PCDHA3: variants seen among roughly 807,000 people sequenced by gnomAD.
PCDHA3 encodes protocadherin alpha 3.
A neutral mutation model predicts 62.2 loss-of-function variants in PCDHA3; 41 were observed. That is an observed-to-expected ratio of 0.66 (90% CI 0.51 to 0.86). The LOEUF (loss-of-function observed/expected upper bound fraction) is 0.86, where lower values mean the gene tolerates loss of function less well. Among genes scored for constraint, PCDHA3 ranks in the 40% least tolerant of loss-of-function variants. The pLI, the probability that PCDHA3 is intolerant of heterozygous loss-of-function variation, is 0.00. For synonymous variants in PCDHA3, 640 were observed against 555.4 expected, an observed-to-expected ratio of 1.15 and a Z score of -2.14; for missense variants, 1,304 against 1,241.2, an observed-to-expected ratio of 1.05 and a Z score of -0.76.
chr5:140,876,020 A>G, intron 1 of PCDHA3: 2 of 1,613,802 alleles, frequency 1.2e-6, no homozygotes, highest in South Asian at 1.1e-5. Flanking sequence ...CTTAAAATAA[A>G]AACAAAAAAA....
At chr5:140,903,585 T>C (rs928775971) in intron 1 of PCDHA3, among the ~76,000 whole-genome samples, 2 of 152,224 alleles carry the variant, frequency 1.3e-5, no homozygotes, top group Non-Finnish European at 2.9e-5. Context: ...TAGCTGGTGT[T>C]GGCCTGATAA....
intron 1 of PCDHA3, chr5:140,869,751 C>T (rs1562632987): frequency 1.2e-6 from 2 of 1,613,134 alleles, no homozygotes; most frequent in Non-Finnish European, 1.7e-6. Context: ...CAGCTACAGA[C>T]GGGGGAAAAC....
rs1458420006 is a variant in PCDHA3 at position 140,928,100 on chromosome 5, T to A, written c.2395-50849T>A. On this transcript the variant is annotated intron_variant, in intron 1 of 3. Transcript: ENST00000522353. Reference sequence around the variant, plus strand: ...TACAGCCTGCTGATTGATGGGCCCCTGGACCGGGAGCAGATCAGTGAATAC... The same window carrying A: ...TACAGCCTGCTGATTGATGGGCCCCAGGACCGGGAGCAGATCAGTGAATAC... 2.3e-5 allele frequency: 37 copies of A among 1,614,090 alleles called. No individual in the cohort carries two copies. Among genetic ancestry groups the A allele is most frequent in the Non-Finnish European group, 2.9e-5 (34 of 1,180,048 alleles).
intron 1 of PCDHA3, among the ~76,000 whole-genome samples, chr5:140,969,822 G>C (rs559271640): frequency 2.0e-5 from 3 of 152,202 alleles, no homozygotes; most frequent in Non-Finnish European, 4.4e-5. Context: ...ACTCTGGACT[G>C]TCTACAGTGG....
At chr5:140,876,044 T>G in intron 1 of PCDHA3, 2 of 1,613,884 alleles carry the variant, frequency 1.2e-6, no homozygotes, top group Non-Finnish European at 1.7e-6. Context: ...AAAAGTATAT[T>G]GCCTGAATTA....
intron 1 of PCDHA3, chr5:140,843,873 T>C (rs1554140466): frequency 1.3e-6 from 1 of 797,276 alleles, no homozygotes; most frequent in Admixed American, 3.0e-5. Context: ...ATTTTCTCAG[T>C]GGCATAATAC....
chr5:140,826,455 A>G (rs1768943541), intron 1 of PCDHA3, among the ~76,000 whole-genome samples: 1 of 152,202 alleles, frequency 6.6e-6, no homozygotes, highest in African/African-American at 2.4e-5. Context: ...TTTGTGTCAC[A>G]ATCATCTGTG....
Position 140,835,798 on chromosome 5 carries a change from G to C in PCDHA3, c.2394+32207G>C, listed in dbSNP as rs2150245143. 6.8e-6 allele frequency: 11 copies of C among 1,612,744 alleles called. No individual in the cohort carries two copies. Among genetic ancestry groups the C allele is most frequent in the Middle Eastern group, 1.9e-4 (1 of 5,380 alleles). ...GTGAAGGAGAACAACCCGCCGGGCT[G>C]CCACATCTTCACTGTGTCGGCGGGG... On this transcript the variant is annotated intron_variant, in intron 1 of 3. Coordinates refer to ENST00000522353, the MANE Select transcript of PCDHA3 (RefSeq NM_018906.3).
intron 1 of PCDHA3, chr5:140,823,465 C>T (rs1554129364): frequency 2.5e-6 from 4 of 1,613,368 alleles, no homozygotes. Context: ...CGCGCCGGCG[C>T]TGCTGGTGCC....
chr5:140,910,845 G>T (rs1448971238), intron 1 of PCDHA3, among the ~76,000 whole-genome samples: 1 of 152,090 alleles, frequency 6.6e-6, no homozygotes, highest in Admixed American at 6.5e-5. Flanking sequence ...CAATGCCTTG[G>T]ATCTATGTTC....
At position 140,856,108 on chromosome 5, in the gene PCDHA3, C is replaced by T. The variant is rs782347472; in HGVS notation, c.2394+52517C>T. 109 of 1,597,910 alleles carry T rather than the reference C, an allele frequency of 6.8e-5. 10 individuals are homozygous for T. The highest frequency in any genetic ancestry group is 9.3e-5 in the Non-Finnish European group (109 of 1,167,634). ...GTCTGCTGCTCTCGCTTCTTCTCCT[C>T]GCAGCCTGGGAGGTGGGGAGCGGCC... On this transcript the variant is annotated intron_variant, in intron 1 of 3. Transcript: ENST00000522353.
At chr5:140,849,603 G>T in intron 1 of PCDHA3, 1 of 1,598,696 alleles carries the variant, frequency 6.3e-7, no homozygotes, top group Non-Finnish European at 8.6e-7. Context: ...GACAGTTATT[G>T]CCCTGATTAG....
rs1297198525 is a variant in PCDHA3 at position 140,801,105 on chromosome 5, C to T, written c.-93C>T. ...GCTTCATCCTCTCTAAAATTTAACA[C>T]CGAGGAGTTTAAGAAATGAAGATAA... On this transcript the variant is annotated 5_prime_UTR_variant, in exon 1 of 4. Transcript: ENST00000522353. The T allele has an allele frequency of 1.1e-5, 17 of 1,507,076 alleles. No homozygotes were observed. Among genetic ancestry groups the T allele is most frequent in the African/African-American group, 5.6e-5 (4 of 71,634 alleles). 93.4% of individuals were successfully genotyped at this position (1,507,076 alleles called of 1,614,324 possible).
At chr5:140,803,671 A>T (rs782450131) in intron 1 of PCDHA3, 80 bp downstream of exon 1, 2 of 1,599,252 alleles carry the variant, frequency 1.3e-6, no homozygotes, top group Non-Finnish European at 1.7e-6. Context: ...GAAATACATT[A>T]ATAGTTAAGT....
At chr5:140,967,843 T>C (rs782701780) in intron 1 of PCDHA3, 3 of 1,614,102 alleles carry the variant, frequency 1.9e-6, no homozygotes, top group Admixed American at 3.3e-5. Flanking sequence ...TGGACGTGAA[T>C]GACAATGCCC....
rs180683275 is a variant in PCDHA3 at position 140,985,540 on chromosome 5, T to C, written c.2542+2977T>C. 7.6e-3 allele frequency among the ~76,000 whole-genome samples: 1,162 copies of C among 152,268 alleles called. 7 individuals are homozygous for C. The highest frequency in any genetic ancestry group is 0.012 in the Non-Finnish European group (785 of 68,010). On this transcript the variant is annotated intron_variant, in intron 3 of 3. Coordinates refer to ENST00000522353, the MANE Select transcript of PCDHA3 (RefSeq NM_018906.3). ...TGCCCTTAAAGCTTCACGGTGAAGATGCAGTTGCTTCCAAAAGGCTTCTTT... is the reference window on the plus strand; with the variant it reads ...TGCCCTTAAAGCTTCACGGTGAAGACGCAGTTGCTTCCAAAAGGCTTCTTT...
chr5:140,835,883 C>A, intron 1 of PCDHA3: 4 of 1,611,944 alleles, frequency 2.5e-6, no homozygotes, highest in Non-Finnish European at 3.4e-6. Flanking sequence ...TGCGGGTGGG[C>A]GAGCGCGCGC....
chr5:140,804,305 C>A (rs1340067813), intron 1 of PCDHA3: 1 of 151,982 alleles, frequency 6.6e-6, no homozygotes, highest in Non-Finnish European at 1.5e-5. Flanking sequence ...TTTATCACTA[C>A]TTTATTTAAT....
chr5:140,926,936 G>A, intron 1 of PCDHA3: 1 of 1,580,648 alleles, frequency 6.3e-7, no homozygotes, highest in Non-Finnish European at 8.6e-7. Context: ...TGGGTTTCCT[G>A]CGGCGCTGCA....
Sources: gnomAD v4.1 joint callset for allele counts (sites outside exome capture counted in the v4.1 genomes callset) on GRCh38, gnomAD v4.1.1 for gene constraint, MANE v1.5 for transcripts, NCBI Gene and HGNC (gene_info 2026-07-23, HGNC 2026-07-21) for gene names.